The following RAB14 variants were observed in gnomAD, a reference collection of about 807,000 sequenced individuals.
The protein encoded by RAB14 is RAB14, member RAS oncogene family.
A neutral mutation model predicts 31.1 loss-of-function variants in RAB14; 3 were observed. That is an observed-to-expected ratio of 0.10 (90% CI 0.04 to 0.25). RAB14 has a LOEUF of 0.25. Among genes scored for constraint, RAB14 ranks in the 10% least tolerant of loss-of-function variants. RAB14 has a pLI of 1.00. For missense variants in RAB14, 111 were observed against 260.1 expected, an observed-to-expected ratio of 0.43 and a Z score of 3.94; for synonymous variants, 85 against 84.9, an observed-to-expected ratio of 1.00 and a Z score of 0.00.
At chr9:121,181,645 A>G in intron 7 of RAB14, 72 bp from the exon 8 acceptor site, 1 of 1,269,842 alleles carries the variant, frequency 7.9e-7, no homozygotes, top group Non-Finnish European at 1.1e-6. Context: ...ACCTTTTGCT[A>G]ATCTTTAGTT....
chr9:121,186,767 A>C (rs1000984776), intron 5 of RAB14, among the ~76,000 whole-genome samples, 186 bp downstream of exon 5: 4 of 152,172 alleles, frequency 2.6e-5, no homozygotes, highest in African/African-American at 9.6e-5. Flanking sequence ...GTATAATAAA[A>C]TGCAAAACCT....
chr9:121,191,335 T>C lies in RAB14; in HGVS notation c.107-604A>G, dbSNP rs2053685475. 7.2e-5 allele frequency among the ~76,000 whole-genome samples: 11 copies of C among 152,080 alleles called. No individual in the cohort carries two copies. In the South Asian group the frequency reaches 2.3e-3, roughly 31 times the overall value. On this transcript the variant is annotated intron_variant, in intron 3 of 7. Coordinates refer to ENST00000373840, the MANE Select transcript of RAB14 (RefSeq NM_016322.4). ...TCTCAAAGAAAATCAGCATGTTTTA[T>C]ATATATATGCATATATTTTAGAGAC...
intron 5 of RAB14, among the ~76,000 whole-genome samples, chr9:121,185,226 A>G (rs1479209547): frequency 6.6e-6 from 1 of 152,182 alleles, no homozygotes; most frequent in East Asian, 1.9e-4. Flanking sequence ...TTTGTTTTTA[A>G]TATTTTACTT....
In RAB14 at chr9:121,181,372, T is replaced by C; in HGVS notation, c.*24A>G. On this transcript the variant is annotated 3_prime_UTR_variant, in exon 8 of 8. Transcript: ENST00000373840. The stretch of plus-strand genomic sequence containing the variant: ...CAACAGACAGAGGTGAAAGGTCAAA[T>C]GAGGGGCCACAGCAAAGAGGTCACT... 2 of 1,560,718 alleles carry C rather than the reference T, an allele frequency of 1.3e-6. No individual in the cohort carries two copies. Among genetic ancestry groups the C allele is most frequent in the Non-Finnish European group, 8.7e-7 (1 of 1,143,384 alleles).
In RAB14 at chr9:121,193,718, A is replaced by G. The variant is rs542227400; in HGVS notation, c.-7-299T>C. Among the ~76,000 whole-genome samples, 10 of 152,242 alleles carry G rather than the reference A, an allele frequency of 6.6e-5. No homozygotes were observed. The East Asian group carries it at 1.2e-3, about 18-fold the overall frequency. ...AAAAGTATAATTTAAAAAAAATCCA[A>G]TAAGTATTAATCTGAAAATTGTCAA... On this transcript the variant is annotated intron_variant, in intron 1 of 7. Transcript: ENST00000373840.
At chr9:121,188,909 G>A (rs1398503635) in intron 4 of RAB14, among the ~76,000 whole-genome samples, 1 of 151,942 alleles carries the variant, frequency 6.6e-6, no homozygotes, top group Non-Finnish European at 1.5e-5. Context: ...TCTAATTCTA[G>A]AACATTTTCA....
intron 1 of RAB14, among the ~76,000 whole-genome samples, chr9:121,197,010 T>A (rs1033264640): frequency 6.6e-6 from 1 of 152,160 alleles, no homozygotes; most frequent in Admixed American, 6.5e-5. Flanking sequence ...ATAAAGTTTG[T>A]AAATGGTAGA....
At chr9:121,190,533 G>A (rs1054096656) in intron 4 of RAB14, 21 bp downstream of exon 4, 1 of 1,542,436 alleles carries the variant, frequency 6.5e-7, no homozygotes, top group Non-Finnish European at 8.8e-7. Flanking sequence ...CCCATATGAA[G>A]GTTGAAAAAT....
Position 121,192,230 on chromosome 9 carries a change from TAAA to T in RAB14, c.53-9_53-7del. ...TTTTCCTACTCCCATGTCCCCTGTT[TAAA>T]AAAAAAGAAGTTTCAGGTGGCAATT... On this transcript the variant is annotated splice_region_variant and splice_polypyrimidine_tract_variant and intron_variant, in intron 2 of 7. Coordinates refer to ENST00000373840, the MANE Select transcript of RAB14 (RefSeq NM_016322.4). 6.4e-7 allele frequency: 1 copy of T among 1,570,052 alleles called. No individual in the cohort carries two copies. Among genetic ancestry groups the T allele is most frequent in the Non-Finnish European group, 8.7e-7 (1 of 1,155,510 alleles).
chr9:121,193,752 AT>A (rs910412107), intron 1 of RAB14, among the ~76,000 whole-genome samples: 4 of 152,140 alleles, frequency 2.6e-5, no homozygotes, highest in Non-Finnish European at 4.4e-5. Context: ...AAACAAAAAA[AT>A]CTTTATAAAT....
intron 6 of RAB14, 53 bp downstream of exon 6, chr9:121,183,258 C>G: frequency 7.0e-7 from 1 of 1,436,394 alleles, no homozygotes; most frequent in Non-Finnish European, 9.6e-7. Flanking sequence ...GTCAAGCCCA[C>G]CTTTCCTTAA....
chr9:121,193,705 T>TA (rs556736183), intron 1 of RAB14, among the ~76,000 whole-genome samples: 3 of 151,944 alleles, frequency 2.0e-5, no homozygotes, highest in South Asian at 2.1e-4. Context: ...AAGTATAATT[T>TA]AAAAAAAATC....
intron 1 of RAB14, among the ~76,000 whole-genome samples, chr9:121,199,105 A>G (rs1317741957): frequency 1.3e-5 from 2 of 152,244 alleles, no homozygotes; most frequent in Non-Finnish European, 2.9e-5. Flanking sequence ...ACAGAAAGAA[A>G]GCACTTAACA....
chr9:121,200,263 A>C (rs2053752669), intron 1 of RAB14, among the ~76,000 whole-genome samples: 1 of 152,368 alleles, frequency 6.6e-6, no homozygotes, highest in East Asian at 1.9e-4. Context: ...TTGGGGGAAT[A>C]AAGGGGTAGG....
intron 4 of RAB14, among the ~76,000 whole-genome samples, chr9:121,188,691 A>T (rs930990007): frequency 6.6e-6 from 1 of 152,054 alleles, no homozygotes; most frequent in African/African-American, 2.4e-5. Context: ...TAAAATGTCA[A>T]AGAATAACAG....
chr9:121,181,168 T>C lies in RAB14; in HGVS notation c.*228A>G. 2.6e-6 allele frequency: 1 copy of C among 390,290 alleles called. No homozygotes were observed. Among genetic ancestry groups the C allele is most frequent in the Non-Finnish European group, 4.5e-6 (1 of 224,214 alleles). The allele number at this position is 390,290 out of a possible 1,614,324, so 24.2% of individuals were successfully genotyped here. A position where few individuals can be genotyped will look rare whatever the true frequency, so the allele number is the denominator to read the frequency against. ...ACGAGGACAAGGGGGAAAAAAAGTC[T>C]AGATTTACCATGCAGGAGAGATTTA... On this transcript the variant is annotated 3_prime_UTR_variant, in exon 8 of 8. Coordinates refer to ENST00000373840, the MANE Select transcript of RAB14 (RefSeq NM_016322.4).
At chr9:121,190,529 T>A (rs375408419) in intron 4 of RAB14, 25 bp downstream of exon 4, 3 of 1,545,576 alleles carry the variant, frequency 1.9e-6, no homozygotes, top group Non-Finnish European at 2.6e-6. Flanking sequence ...TTTCCCCATA[T>A]GAAGGTTGAA....
In RAB14 at chr9:121,187,035, T is replaced by G. The variant is rs1441509628; in HGVS notation, c.285-16A>C. Reference sequence around the variant, plus strand: ...TGTACTTCTTCTGCAAAAATAAAAGTTTAAATTTGTGACTGCCATATAATT... The same window carrying G: ...TGTACTTCTTCTGCAAAAATAAAAGGTTAAATTTGTGACTGCCATATAATT... On this transcript the variant is annotated splice_polypyrimidine_tract_variant and intron_variant, in intron 4 of 7. Transcript: ENST00000373840. 1.3e-6 allele frequency: 2 copies of G among 1,509,148 alleles called. No homozygotes were observed. Among genetic ancestry groups the G allele is most frequent in the South Asian group, 2.7e-5 (2 of 75,272 alleles). 93.5% of individuals were successfully genotyped at this position (1,509,148 alleles called of 1,614,324 possible). A position where few individuals can be genotyped will look rare whatever the true frequency, so the allele number is the denominator to read the frequency against.
intron 2 of RAB14, 55 bp from the exon 3 acceptor site, chr9:121,192,279 A>G: frequency 2.3e-6 from 3 of 1,331,854 alleles, no homozygotes; most frequent in Middle Eastern, 1.8e-4. Context: ...ATTTTATGCA[A>G]TGATCGCTAT....
Sources: allele counts gnomAD v4.1 joint callset (sites outside exome capture counted in the v4.1 genomes callset), GRCh38; gene constraint gnomAD v4.1.1; transcripts MANE v1.5; gene names NCBI Gene and HGNC (gene_info 2026-07-23, HGNC 2026-07-21).